The following EYS variants were observed in gnomAD, a reference collection of about 807,000 sequenced individuals.
EYS encodes protein eyes shut homolog.
Under a neutral mutation model 282.1 loss-of-function variants are expected in EYS, and 250 were observed. The ratio of observed to expected loss-of-function variants is 0.89; its 90% confidence interval spans 0.80 to 0.98. EYS has a LOEUF of 0.98. Ranked by LOEUF, EYS falls within the 50% of genes least tolerant of loss-of-function variation. EYS has a pLI of 0.00. For missense variants in EYS, 4,016 were observed against 3,709.0 expected (o/e 1.08, Z -2.15); for synonymous variants, 1,355 against 1,282.9 (o/e 1.06, Z -1.20).
At chr6:64,456,785 G>A (rs1029898360) in intron 26 of EYS, among the ~76,000 whole-genome samples, 3 of 151,946 alleles carry the variant, frequency 2.0e-5, no homozygotes, top group East Asian at 1.9e-4. Context: ...TTCCACTGTG[G>A]TACATAAAAG....
At chr6:64,910,222 A>C in intron 16 of EYS, among the ~76,000 whole-genome samples, 1 of 152,158 alleles carries the variant, frequency 6.6e-6, no homozygotes, top group East Asian at 1.9e-4. Flanking sequence ...ATTAAATTTG[A>C]TAAAATGTTT....
rs1376397286 is a variant in EYS, at chr6:64,238,049, T to A, written c.6192-7225A>T. Reference sequence around the variant, plus strand: ...TACCTTAATAAGTTTAGTAAGATTATCATTTTAAAATGCAAATAAATTAAT... The same window carrying A: ...TACCTTAATAAGTTTAGTAAGATTAACATTTTAAAATGCAAATAAATTAAT... On this transcript the variant is annotated intron_variant, in intron 30 of 42. Transcript: ENST00000503581. 2.0e-5 allele frequency among the ~76,000 whole-genome samples: 3 copies of A among 152,344 alleles called. No homozygotes were observed. In the East Asian group the frequency reaches 5.8e-4, roughly 29 times the overall value.
chr6:64,048,728 A>T, intron 33 of EYS, among the ~76,000 whole-genome samples: 1 of 150,758 alleles, frequency 6.6e-6, no homozygotes, highest in South Asian at 2.1e-4. Context: ...CTATATGACC[A>T]CTCTTTTGGA....
chr6:65,120,460 C>CAAAAAAAAAAAAAAAAA (rs67505285), intron 12 of EYS, among the ~76,000 whole-genome samples: 6 of 68,288 alleles, frequency 8.8e-5, no homozygotes, highest in Admixed American at 3.6e-4. Flanking sequence ...TTTAAATAAG[C>CAAAAAAAAAAAAAAAAA]AAAAAAAAAA....
chr6:64,000,215 A>C (rs1477633103), intron 33 of EYS, among the ~76,000 whole-genome samples: 1 of 73,836 alleles, frequency 1.4e-5, no homozygotes, highest in African/African-American at 5.4e-5. Flanking sequence ...TTTTTTAGAC[A>C]GAGTCTCGCT....
intron 5 of EYS, among the ~76,000 whole-genome samples, chr6:65,449,590 TG>T (rs1764328304): frequency 6.6e-6 from 1 of 152,090 alleles, no homozygotes; most frequent in Non-Finnish European, 1.5e-5. Context: ...AATTTCATTT[TG>T]GTCAGATTCA....
intron 12 of EYS, among the ~76,000 whole-genome samples, chr6:65,108,531 G>GTTCA (rs1775113028): frequency 6.6e-6 from 1 of 152,058 alleles, no homozygotes; most frequent in Admixed American, 6.6e-5. Context: ...TTAAATGTGT[G>GTTCA]TTCATTTTCT....
At chr6:64,786,223 G>A (rs1317613763) in intron 22 of EYS, among the ~76,000 whole-genome samples, 2 of 150,320 alleles carry the variant, frequency 1.3e-5, no homozygotes, top group Non-Finnish European at 3.0e-5. Context: ...AGAAGCAGAG[G>A]GTTTAATAGG....
chr6:64,048,925 C>T (rs1408307913), intron 33 of EYS, among the ~76,000 whole-genome samples: 5 of 151,918 alleles, frequency 3.3e-5, no homozygotes, highest in African/African-American at 1.2e-4. Context: ...TAGATGTTTG[C>T]TCATGCTGTT....
intron 22 of EYS, among the ~76,000 whole-genome samples, chr6:64,643,723 T>A (rs1481496505): frequency 6.6e-6 from 1 of 152,200 alleles, no homozygotes; most frequent in Non-Finnish European, 1.5e-5. Context: ...AGTGAATAAG[T>A]CTCATTAGAT....
intron 29 of EYS, among the ~76,000 whole-genome samples, chr6:64,360,484 C>G (rs1490245087): frequency 6.6e-6 from 1 of 151,540 alleles, no homozygotes; most frequent in Non-Finnish European, 1.5e-5. Flanking sequence ...TCTTGGTACA[C>G]TAGACTTGGT....
At chr6:64,154,870 T>G (rs576533653) in intron 31 of EYS, among the ~76,000 whole-genome samples, 1 of 152,280 alleles carries the variant, frequency 6.6e-6, no homozygotes, top group African/African-American at 2.4e-5. Context: ...ACTCTACCCA[T>G]GAAAACACAT....
intron 35 of EYS, among the ~76,000 whole-genome samples, chr6:63,878,744 G>A (rs1237128448): frequency 1.3e-5 from 2 of 152,188 alleles, no homozygotes; most frequent in African/African-American, 4.8e-5. Context: ...CTAGCAGTGT[G>A]TGAGGCTCTA....
At chr6:63,838,963 TG>T (rs1409180828) in intron 36 of EYS, among the ~76,000 whole-genome samples, 1 of 152,208 alleles carries the variant, frequency 6.6e-6, no homozygotes, top group Non-Finnish European at 1.5e-5. Context: ...TGCACATTTA[TG>T]GGGCACAGTG....
intron 35 of EYS, among the ~76,000 whole-genome samples, chr6:63,933,628 G>A (rs1171549621): frequency 6.6e-6 from 1 of 152,148 alleles, no homozygotes. Flanking sequence ...GGGGCTGAAA[G>A]TCCCAACCCT....
At chr6:64,851,803 G>A (rs4710501) in intron 19 of EYS, among the ~76,000 whole-genome samples, 8,806 of 152,046 alleles carry the variant, frequency 0.058, 266 homozygotes, top group East Asian at 0.1. Context: ...TCAGAGGGTG[G>A]AGGGTGGGAG....
chr6:65,089,724 C>T (rs141761302), intron 12 of EYS, among the ~76,000 whole-genome samples: 271 of 151,828 alleles, frequency 1.8e-3, no homozygotes, highest in Non-Finnish European at 2.8e-3. Flanking sequence ...GAGGCCAAGG[C>T]GGGAGAATCA....
intron 35 of EYS, among the ~76,000 whole-genome samples, chr6:63,962,591 A>T (rs1277148982): frequency 6.6e-6 from 1 of 152,226 alleles, no homozygotes; most frequent in Non-Finnish European, 1.5e-5. Flanking sequence ...AATGGTGATC[A>T]TTAAAAAGTC....
intron 12 of EYS, among the ~76,000 whole-genome samples, chr6:65,134,612 T>C (rs1775971819): frequency 6.6e-6 from 1 of 151,342 alleles, no homozygotes; most frequent in Non-Finnish European, 1.5e-5. Context: ...GAGGGCGGGG[T>C]GTGGGATGGG....
Sources: gnomAD v4.1 joint callset for allele counts (sites outside exome capture counted in the v4.1 genomes callset) on GRCh38, gnomAD v4.1.1 for gene constraint, MANE v1.5 for transcripts, NCBI Gene and HGNC (gene_info 2026-07-23, HGNC 2026-07-21) for gene names.